Variants in ST6GALNAC3 observed in about 807,000 individuals in gnomAD.
ST6GALNAC3 encodes alpha-N-acetylgalactosaminide alpha-2,6-sialyltransferase 3.
A neutral mutation model predicts 32.7 loss-of-function variants in ST6GALNAC3; 25 were observed. The observed-to-expected ratio is 0.76, with a 90% CI of 0.56 to 1.07. ST6GALNAC3 has a LOEUF of 1.07. Among genes scored for constraint, ST6GALNAC3 ranks in the 50% least tolerant of loss-of-function variants. The pLI, the probability that ST6GALNAC3 is intolerant of heterozygous loss-of-function variation, is 0.00. For synonymous variants in ST6GALNAC3, 129 were observed against 133.1 expected, an observed-to-expected ratio of 0.97 and a Z score of 0.21; for missense variants, 355 against 382.4, an observed-to-expected ratio of 0.93 and a Z score of 0.60.
At chr1:76,541,715 T>C (rs1486403295) in intron 3 of ST6GALNAC3, among the ~76,000 whole-genome samples, 1 of 152,174 alleles carries the variant, frequency 6.6e-6, no homozygotes. Flanking sequence ...TCTTCACTGT[T>C]CTAGAAAATG....
intron 2 of ST6GALNAC3, among the ~76,000 whole-genome samples, chr1:76,398,602 G>C (rs1013258916): frequency 2.0e-5 from 3 of 152,070 alleles, no homozygotes; most frequent in Non-Finnish European, 2.9e-5. Flanking sequence ...TTCAATGCTG[G>C]ATAGTAGCCC....
chr1:76,107,831 A>T (rs540569031), intron 1 of ST6GALNAC3, among the ~76,000 whole-genome samples: 1 of 152,080 alleles, frequency 6.6e-6, no homozygotes, highest in South Asian at 2.1e-4. Context: ...TCTACACCCA[A>T]TGTACTTTAT....
chr1:76,334,085 G>A (rs932130406), intron 2 of ST6GALNAC3, among the ~76,000 whole-genome samples: 1 of 152,108 alleles, frequency 6.6e-6, no homozygotes, highest in African/African-American at 2.4e-5. Flanking sequence ...ATTCCACCTG[G>A]TAGAATTACA....
At chr1:76,574,801 T>G (rs905314890) in intron 3 of ST6GALNAC3, among the ~76,000 whole-genome samples, 2 of 152,082 alleles carry the variant, frequency 1.3e-5, no homozygotes, top group African/African-American at 4.8e-5. Flanking sequence ...AGAGCACCAG[T>G]AGCATGTGGA....
rs1432312986 is a variant in ST6GALNAC3 at position 76,441,238 on chromosome 1, GC to G, written c.623+28824del. 2.6e-5 allele frequency among the ~76,000 whole-genome samples: 4 copies of G among 151,896 alleles called. No individual in the cohort carries two copies. The East Asian group carries it at 7.7e-4, about 29-fold the overall frequency. ...AATGATCATAAATATCATTTACTGGGCCCTTACTATATGTCAAGCATATATT... is the reference window on the plus strand; with the variant it reads ...AATGATCATAAATATCATTTACTGGGCCTTACTATATGTCAAGCATATATT... On this transcript the variant is annotated intron_variant, in intron 3 of 4. Coordinates refer to ENST00000328299, the MANE Select transcript of ST6GALNAC3 (RefSeq NM_152996.4).
intron 3 of ST6GALNAC3, among the ~76,000 whole-genome samples, chr1:76,567,876 A>C (rs757079695): frequency 6.6e-6 from 1 of 152,218 alleles, no homozygotes; most frequent in Non-Finnish European, 1.5e-5. Flanking sequence ...AGTCAGTGTC[A>C]GGACCATAGG....
rs138725066 is a variant in ST6GALNAC3, at chr1:76,346,990, A to G, written c.213+32991A>G. On this transcript the variant is annotated intron_variant, in intron 2 of 4. Transcript: ENST00000328299. ...CATTATTATTTTCTGTTAAGAATGA[A>G]CATCTACATTTGGAAATAGAACAAA... is the stretch of plus-strand genomic sequence containing the variant. Among the ~76,000 whole-genome samples the G allele has an allele frequency of 3.1e-3, 467 of 152,274 alleles. 3 individuals are homozygous for G. The highest frequency in any genetic ancestry group is 0.01 in the African/African-American group (430 of 41,564).
intron 3 of ST6GALNAC3, among the ~76,000 whole-genome samples, chr1:76,441,771 C>T (rs980462310): frequency 2.6e-5 from 4 of 152,048 alleles, no homozygotes; most frequent in Non-Finnish European, 4.4e-5. Context: ...ACCCTTCCAC[C>T]AGATCTGATT....
intron 1 of ST6GALNAC3, among the ~76,000 whole-genome samples, chr1:76,198,828 C>T (rs1654360886): frequency 6.6e-6 from 1 of 152,104 alleles, no homozygotes; most frequent in African/African-American, 2.4e-5. Context: ...GTTTCTGGAA[C>T]TTAGGAGACA....
intron 2 of ST6GALNAC3, among the ~76,000 whole-genome samples, chr1:76,319,319 G>A (rs1646924723): frequency 6.6e-6 from 1 of 152,118 alleles, no homozygotes; most frequent in Admixed American, 6.6e-5. Flanking sequence ...AATTTAATGA[G>A]GCTGAAGTAT....
At chr1:76,442,616 T>A (rs1243729260) in intron 3 of ST6GALNAC3, among the ~76,000 whole-genome samples, 1 of 152,148 alleles carries the variant, frequency 6.6e-6, no homozygotes, top group East Asian at 1.9e-4. Flanking sequence ...ACATCCTACT[T>A]TTTCCATCTG....
chr1:76,153,950 T>G (rs1309287490), intron 1 of ST6GALNAC3, among the ~76,000 whole-genome samples: 1 of 152,140 alleles, frequency 6.6e-6, no homozygotes, highest in East Asian at 1.9e-4. Flanking sequence ...CCCACTGGCT[T>G]AAAGAGTTGG....
chr1:76,307,011 A>G (rs1410053815), intron 1 of ST6GALNAC3, among the ~76,000 whole-genome samples: 3 of 152,102 alleles, frequency 2.0e-5, no homozygotes, highest in Admixed American at 1.3e-4. Context: ...GATTCAGTAT[A>G]TCTCCCTTTA....
chr1:76,393,875 T>C (rs530914802), intron 2 of ST6GALNAC3, among the ~76,000 whole-genome samples: 2 of 152,016 alleles, frequency 1.3e-5, no homozygotes, highest in South Asian at 4.2e-4. Context: ...AGTGGAGAAA[T>C]GAGAAGAGAT....
intron 1 of ST6GALNAC3, among the ~76,000 whole-genome samples, chr1:76,254,080 A>T (rs1657778329): frequency 2.0e-5 from 3 of 152,152 alleles, no homozygotes; most frequent in Admixed American, 6.6e-5. Context: ...TTGGAAAATG[A>T]CTTTATTTCT....
Position 76,509,162 on chromosome 1 carries a change from C to T in ST6GALNAC3, c.623+96745C>T, listed in dbSNP as rs1225938817. The stretch of plus-strand genomic sequence containing the variant: ...GTAAAATGATTTTAATGCTTGTGGT[C>T]TAAGAAAGTATCTCTATCACTCAGT... On this transcript the variant is annotated intron_variant, in intron 3 of 4. Transcript: ENST00000328299. This position sits in a 1 kb window ranked among gnomAD's most constrained non-coding sequence, Gnocchi z 5.5. Among the ~76,000 whole-genome samples the T allele has an allele frequency of 6.6e-6, 1 of 152,130 alleles. No homozygotes were observed. The highest frequency in any genetic ancestry group is 1.5e-5 in the Non-Finnish European group (1 of 68,020).
chr1:76,242,486 G>A (rs1330678641), intron 1 of ST6GALNAC3, among the ~76,000 whole-genome samples: 1 of 151,964 alleles, frequency 6.6e-6, no homozygotes, highest in Non-Finnish European at 1.5e-5. Context: ...TGTGTAGAAT[G>A]TGCAGGTTTG....
intron 1 of ST6GALNAC3, among the ~76,000 whole-genome samples, chr1:76,196,139 C>CTA (rs1471692770): frequency 6.6e-6 from 1 of 152,088 alleles, no homozygotes; most frequent in African/African-American, 2.4e-5. Context: ...ACAGTAGGTC[C>CTA]TATATAAGTG....
At chr1:76,199,403 A>G (rs1011745773) in intron 1 of ST6GALNAC3, among the ~76,000 whole-genome samples, 1 of 152,222 alleles carries the variant, frequency 6.6e-6, no homozygotes, top group Admixed American at 6.5e-5. Flanking sequence ...GTTGATGAGT[A>G]GTAGAGCTGT....
Sources: allele counts gnomAD v4.1 joint callset (sites outside exome capture counted in the v4.1 genomes callset), GRCh38; gene constraint gnomAD v4.1.1; non-coding constraint Gnocchi (gnomAD v3.1); transcripts MANE v1.5; gene names NCBI Gene and HGNC (gene_info 2026-07-23, HGNC 2026-07-21).